The following ANO10 variants were observed in gnomAD, a reference collection of about 807,000 sequenced individuals.
The protein encoded by ANO10 is anoctamin 10.
In ANO10, 77 loss-of-function variants were observed where a neutral mutation model predicts 74.7. The ratio of observed to expected loss-of-function variants is 1.03; its 90% CI spans 0.86 to 1.25. The LOEUF is 1.25. ANO10 is among the 50% of genes most tolerant of loss of function. The pLI, the probability that ANO10 is intolerant of heterozygous loss-of-function variation, is 0.00. For missense variants in ANO10, 721 were observed against 778.1 expected (o/e 0.93, Z 0.87); for synonymous variants, 279 against 284.9 (o/e 0.98, Z 0.21).
At chr3:43,405,409 C>T (rs1239798337) in intron 12 of ANO10, among the ~76,000 whole-genome samples, 1 of 152,186 alleles carries the variant, frequency 6.6e-6, no homozygotes, top group Admixed American at 6.5e-5. Flanking sequence ...TCCATGAACT[C>T]ACTGTGTTGT....
Position 43,615,332 on chromosome 3 carries a change from A to G in ANO10, c.-12+6577T>C, listed in dbSNP as rs187421573. 8.7e-3 allele frequency among the ~76,000 whole-genome samples: 1,315 copies of G among 151,488 alleles called. 11 individuals carry two copies. The highest frequency in any genetic ancestry group is 0.014 in the Non-Finnish European group (924 of 67,910). ...CAGACAGCCTGACACCAAAGTCCAC[A>G]TCCTGAAGCATGTGTATATGCACAC... On this transcript the variant is annotated intron_variant, in intron 1 of 12. Transcript: ENST00000292246.
rs758577205 is a variant in ANO10 at position 43,691,045 on chromosome 3, C to T, written c.-12+472G>A. The T allele has an allele frequency of 7.7e-6, 12 of 1,552,880 alleles. No homozygotes were observed. The highest frequency in any genetic ancestry group is 2.8e-5 in the African/African-American group (2 of 70,270). On this transcript the variant is annotated intron_variant, in intron 1 of 3. Coordinates refer to the ANO10 transcript ENST00000413397. ...TCTGCCGACACCGGAGAGAGGTAAG[C>T]GCAGCCGGCAGGGGGCTTCGTGTGT...
At chr3:43,545,006 T>G (rs2079118551) in intron 11 of ANO10, among the ~76,000 whole-genome samples, 1 of 152,020 alleles carries the variant, frequency 6.6e-6, no homozygotes, top group Non-Finnish European at 1.5e-5. Context: ...TGTAAATGTA[T>G]CTAGATATTT....
chr3:43,367,110 G>C, intron 12 of ANO10, 136 bp from the exon 13 acceptor site: 1 of 800,954 alleles, frequency 1.2e-6, no homozygotes, highest in Non-Finnish European at 2.1e-6. Context: ...GCAGCTTCCT[G>C]CAAGTCCCTG....
chr3:43,433,237 C>T (rs961310130), intron 11 of ANO10, among the ~76,000 whole-genome samples: 2 of 151,934 alleles, frequency 1.3e-5, no homozygotes, highest in Admixed American at 1.3e-4. Context: ...GTTGAGCGAC[C>T]ACACCCAGCC....
chr3:43,584,189 A>G (rs2081375548), intron 4 of ANO10, among the ~76,000 whole-genome samples: 1 of 152,222 alleles, frequency 6.6e-6, no homozygotes, highest in Non-Finnish European at 1.5e-5. Flanking sequence ...CATGTAGCCA[A>G]TTACTAATTC....
At chr3:43,525,428 T>C (rs1165741479) in intron 11 of ANO10, among the ~76,000 whole-genome samples, 1 of 152,190 alleles carries the variant, frequency 6.6e-6, no homozygotes, top group Non-Finnish European at 1.5e-5. Context: ...TCTGCATGAC[T>C]ATCTGGTGCT....
At chr3:43,671,115 T>A (rs955745668) in intron 1 of ANO10, among the ~76,000 whole-genome samples, 2 of 152,224 alleles carry the variant, frequency 1.3e-5, no homozygotes, top group African/African-American at 4.8e-5. Flanking sequence ...TTAAGAATGA[T>A]GTAAAGATCA....
intron 4 of ANO10, among the ~76,000 whole-genome samples, chr3:43,595,527 T>C (rs945633127): frequency 9.2e-5 from 14 of 152,128 alleles, no homozygotes; most frequent in Admixed American, 2.0e-4. Context: ...ATTATCTCAG[T>C]AGATGCAGAA....
chr3:43,458,220 G>A (rs1277173279), intron 11 of ANO10, among the ~76,000 whole-genome samples: 2 of 152,034 alleles, frequency 1.3e-5, no homozygotes, highest in Non-Finnish European at 2.9e-5. Context: ...GCTGACCCCG[G>A]AGTCCTAGTC....
intron 12 of ANO10, among the ~76,000 whole-genome samples, chr3:43,413,569 C>T (rs917580782): frequency 5.3e-5 from 8 of 151,708 alleles, no homozygotes; most frequent in Admixed American, 2.6e-4. Context: ...CAGAAGCCAA[C>T]ACCATGCTTC....
At chr3:43,411,320 G>A (rs976481495) in intron 12 of ANO10, among the ~76,000 whole-genome samples, 2 of 152,116 alleles carry the variant, frequency 1.3e-5, no homozygotes, top group Non-Finnish European at 2.9e-5. Flanking sequence ...TAATTTTCCT[G>A]TAAGAGAAAC....
At chr3:43,367,270 G>C (rs1575576324) in intron 12 of ANO10, among the ~76,000 whole-genome samples, 2 of 152,242 alleles carry the variant, frequency 1.3e-5, no homozygotes, top group Non-Finnish European at 2.9e-5. Context: ...GAGGGGAATA[G>C]GCGGACAGGG....
rs376954471 is a variant in ANO10, at chr3:43,484,922, C to T, written c.1798-52195G>A. The T allele has an allele frequency of 7.7e-5, 57 of 738,902 alleles. 2 individuals carry two copies. Among genetic ancestry groups the T allele is most frequent in the East Asian group, 3.6e-4 (13 of 36,282 alleles). The allele number at this position is 738,902 out of a possible 1,614,324, so 45.8% of individuals were successfully genotyped here. A position where few individuals can be genotyped will look rare whatever the true frequency, so the allele number is the denominator to read the frequency against. On this transcript the variant is annotated intron_variant, in intron 11 of 12. Transcript: ENST00000292246. ...ACAGTTTATGTCTTTTTTTTTTCAC[C>T]GGGGCGTTCCTGAGTTTATTTGGGG... is the stretch of plus-strand genomic sequence containing the variant.
At chr3:43,690,343 C>T (rs1400093764) in intron 1 of ANO10, 1 of 152,440 alleles carries the variant, frequency 6.6e-6, no homozygotes, top group Non-Finnish European at 1.5e-5. Flanking sequence ...GCCTGAGCCA[C>T]CGCGCCCGGC....
At chr3:43,440,082 T>C (rs1448641242) in intron 11 of ANO10, among the ~76,000 whole-genome samples, 1 of 150,866 alleles carries the variant, frequency 6.6e-6, no homozygotes, top group East Asian at 1.9e-4. Context: ...AGCAAGTTCC[T>C]ACAAAAAAAA....
intron 12 of ANO10, among the ~76,000 whole-genome samples, chr3:43,404,079 C>G (rs1371114559): frequency 6.6e-6 from 1 of 152,164 alleles, no homozygotes; most frequent in South Asian, 2.1e-4. Flanking sequence ...GGTCCCTATT[C>G]AGCTGACTTT....
At chr3:43,612,327 T>A (rs2149517076) in intron 1 of ANO10, among the ~76,000 whole-genome samples, 1 of 151,948 alleles carries the variant, frequency 6.6e-6, no homozygotes, top group East Asian at 1.9e-4. Flanking sequence ...TAAGCTGAGC[T>A]CCCTCAGGAG....
chr3:43,497,823 T>C (rs1248951043), intron 11 of ANO10, among the ~76,000 whole-genome samples: 1 of 152,244 alleles, frequency 6.6e-6, no homozygotes, highest in Non-Finnish European at 1.5e-5. Context: ...GTATTTCTAT[T>C]AATTCACCTC....
Sources: allele counts gnomAD v4.1 joint callset (sites outside exome capture counted in the v4.1 genomes callset), GRCh38; gene constraint gnomAD v4.1.1; transcripts MANE v1.5; gene names NCBI Gene and HGNC (gene_info 2026-07-23, HGNC 2026-07-21).